DNAH6: variants seen among roughly 807,000 people sequenced by gnomAD.
DNAH6 encodes the protein dynein axonemal heavy chain 6.
A neutral mutation model predicts 491.4 loss-of-function variants in DNAH6; 340 were observed. That is an observed-to-expected ratio of 0.69 (90% confidence interval 0.63 to 0.76). The LOEUF is 0.76. DNAH6 is among the 30% of genes least tolerant of loss of function. The pLI, the probability that DNAH6 is intolerant of heterozygous loss-of-function variation, is 0.00. For missense variants in DNAH6, 4,443 were observed against 4,972.2 expected (o/e 0.89, Z 3.20); for synonymous variants, 1,603 against 1,686.1 (o/e 0.95, Z 1.21).
In DNAH6 at chr2:84,693,985, AAG is replaced by A. The variant is rs200228076; in HGVS notation, c.7293-260_7293-259del. ...ACAAAGTCCTTCAGACTTCAGGAAA[AAG>A]AGATTTTACTTTATTCTAAATTTGT... On this transcript the variant is annotated intron_variant, in intron 45 of 76. Transcript: ENST00000389394. 3.3e-3 allele frequency among the ~76,000 whole-genome samples: 504 copies of A among 152,312 alleles called. 6 individuals are homozygous for A. The highest frequency in any genetic ancestry group is 0.023 in the Admixed American group (349 of 15,302).
At chr2:84,776,878 A>T (rs1273730426) in intron 64 of DNAH6, among the ~76,000 whole-genome samples, 2 of 152,258 alleles carry the variant, frequency 1.3e-5, no homozygotes, top group Non-Finnish European at 2.9e-5. Flanking sequence ...GATTAAGAAA[A>T]TGTGGCACAT....
At chr2:84,574,841 T>C (rs1011309024) in intron 12 of DNAH6, among the ~76,000 whole-genome samples, 24 of 152,208 alleles carry the variant, frequency 1.6e-4, no homozygotes, top group African/African-American at 4.8e-4. Context: ...ACTCATATCC[T>C]GAGCCCAAGG....
chr2:84,599,147 G>C (rs1684979086), intron 18 of DNAH6, among the ~76,000 whole-genome samples: 2 of 151,950 alleles, frequency 1.3e-5, no homozygotes, highest in East Asian at 1.9e-4. Context: ...TGTCTGTTCA[G>C]ATCTTTTGCC....
chr2:84,672,193 T>C, intron 39 of DNAH6, 134 bp from the exon 40 acceptor site: 1 of 855,190 alleles, frequency 1.2e-6, no homozygotes, highest in Non-Finnish European at 1.7e-6. Context: ...TCTCTCCTCC[T>C]CCAGGCAGGA....
intron 39 of DNAH6, among the ~76,000 whole-genome samples, chr2:84,671,379 C>T (rs1261482631): frequency 6.6e-6 from 1 of 152,142 alleles, no homozygotes; most frequent in Non-Finnish European, 1.5e-5. Context: ...TCCATCTGCA[C>T]CCTCTTGCAG....
chr2:84,704,698 G>C (rs1696262391), intron 51 of DNAH6, among the ~76,000 whole-genome samples: 1 of 152,204 alleles, frequency 6.6e-6, no homozygotes, highest in South Asian at 2.1e-4. Flanking sequence ...TAATGTTCTT[G>C]GAGTGGGATG....
chr2:84,583,845 T>C (rs886871533), intron 14 of DNAH6, among the ~76,000 whole-genome samples, 154 bp from the exon 15 acceptor site: 5 of 152,214 alleles, frequency 3.3e-5, no homozygotes, highest in Non-Finnish European at 5.9e-5. Context: ...CTTTCTTTTA[T>C]AAATTACCCA....
rs141182435 is a variant in DNAH6, at chr2:84,519,322, T to C, written c.225+1271T>C. Reference sequence around the variant, plus strand: ...GCAAAATAAATGTTAGTTTTTAAGTTACTAAGTTTGAGGCAGTATGTTATA... The same window carrying C: ...GCAAAATAAATGTTAGTTTTTAAGTCACTAAGTTTGAGGCAGTATGTTATA... On this transcript the variant is annotated intron_variant, in intron 2 of 76. Transcript: ENST00000389394. Among the ~76,000 whole-genome samples, 877 of 152,148 alleles carry C rather than the reference T, an allele frequency of 5.8e-3. 4 individuals carry two copies. Among genetic ancestry groups the C allele is most frequent in the Middle Eastern group, 0.017 (5 of 294 alleles).
chr2:84,511,887 T>C (rs922608231), upstream of DNAH6, among the ~76,000 whole-genome samples: 3 of 152,232 alleles, frequency 2.0e-5, no homozygotes, highest in Non-Finnish European at 4.4e-5. Context: ...CCATGGTGTA[T>C]AATCCTTTGA....
At chr2:84,566,056 C>T (rs1209570365) in intron 11 of DNAH6, among the ~76,000 whole-genome samples, 2 of 151,992 alleles carry the variant, frequency 1.3e-5, no homozygotes, top group African/African-American at 4.8e-5. Context: ...GCTATCCTCT[C>T]TATGTCTTTT....
At chr2:84,676,908 T>C in intron 40 of DNAH6, 97 bp from the exon 41 acceptor site, 1 of 1,363,628 alleles carries the variant, frequency 7.3e-7, no homozygotes, top group Non-Finnish European at 1.0e-6. Flanking sequence ...AAAAAAAATG[T>C]AATGCAATGC....
the DNAH6 span, among the ~76,000 whole-genome samples, chr2:84,507,828 G>C: frequency 6.6e-6 from 1 of 152,196 alleles, no homozygotes; most frequent in Non-Finnish European, 1.5e-5. Flanking sequence ...AGATAATCAT[G>C]TGGTTTTTGT....
chr2:84,810,024 G>C (rs567293052), intron 72 of DNAH6, among the ~76,000 whole-genome samples: 2 of 152,236 alleles, frequency 1.3e-5, no homozygotes, highest in South Asian at 4.2e-4. Context: ...AGGAACACCA[G>C]CTTATGTCTT....
intron 32 of DNAH6, 32 bp downstream of exon 32, chr2:84,640,610 C>T: frequency 6.5e-7 from 1 of 1,529,928 alleles, no homozygotes; most frequent in Non-Finnish European, 8.8e-7. Flanking sequence ...GAGTGAAATC[C>T]CAAACCATGT....
At chr2:84,714,066 C>T (rs150787524) in intron 57 of DNAH6, among the ~76,000 whole-genome samples, 1 of 152,314 alleles carries the variant, frequency 6.6e-6, no homozygotes, top group Non-Finnish European at 1.5e-5. Context: ...TCCCTGGCCA[C>T]AATCCCCCTC....
intron 18 of DNAH6, among the ~76,000 whole-genome samples, chr2:84,598,585 T>C (rs1684905089): frequency 6.6e-6 from 1 of 152,202 alleles, no homozygotes; most frequent in African/African-American, 2.4e-5. Flanking sequence ...GCCAAAATGT[T>C]TTCCAAAGAA....
At chr2:84,480,298 C>G in the DNAH6 span, among the ~76,000 whole-genome samples, 2 of 152,002 alleles carry the variant, frequency 1.3e-5, no homozygotes, top group Admixed American at 6.6e-5. Flanking sequence ...GTGGTTAGGA[C>G]CCAGACTCTG....
intron 18 of DNAH6, among the ~76,000 whole-genome samples, chr2:84,598,136 T>TTTCTTTCTTTCC (rs1684818586): frequency 1.9e-5 from 1 of 53,670 alleles, no homozygotes; most frequent in Non-Finnish European, 4.5e-5. Context: ...CTTTTCTTTC[T>TTTCTTTCTTTCC]TTCTTTCTTT....
At chr2:84,654,621 C>A in intron 34 of DNAH6, 39 bp from the exon 35 acceptor site, 1 of 1,547,842 alleles carries the variant, frequency 6.5e-7, no homozygotes, top group South Asian at 1.2e-5. Flanking sequence ...AAGGAAGTAT[C>A]ATATTAGCTG....
Sources: allele counts gnomAD v4.1 joint callset (sites outside exome capture counted in the v4.1 genomes callset), GRCh38; gene constraint gnomAD v4.1.1; transcripts MANE v1.5; gene names NCBI Gene and HGNC (gene_info 2026-07-23, HGNC 2026-07-21).